The following CCDC102B variants were observed in gnomAD, a reference collection of about 807,000 sequenced individuals.
The protein encoded by CCDC102B is coiled-coil domain-containing protein 102B.
A neutral mutation model predicts 57.4 loss-of-function variants in CCDC102B; 75 were observed. That is an observed-to-expected ratio of 1.31 (90% CI 1.08 to 1.58). The LOEUF is 1.58. Ranked by LOEUF, CCDC102B falls within the 40% of genes most tolerant of loss-of-function variation. The pLI is 0.00. For synonymous variants in CCDC102B, 206 were observed against 201.9 expected (o/e 1.02, Z -0.17); for missense variants, 636 against 582.6 (o/e 1.09, Z -0.94).
At chr18:68,879,678 T>C (rs986506602) in intron 5 of CCDC102B, among the ~76,000 whole-genome samples, 3 of 152,026 alleles carry the variant, frequency 2.0e-5, no homozygotes, top group African/African-American at 7.3e-5. Context: ...AACCTTGAGC[T>C]AGATACAGAG....
intron 4 of CCDC102B, among the ~76,000 whole-genome samples, chr18:68,872,518 T>G (rs1459194462): frequency 6.6e-6 from 1 of 152,152 alleles, no homozygotes; most frequent in Non-Finnish European, 1.5e-5. Context: ...ATTCTTATTT[T>G]TTTCTTGAAG....
At chr18:68,903,966 G>A (rs910011582) in intron 6 of CCDC102B, among the ~76,000 whole-genome samples, 4 of 152,116 alleles carry the variant, frequency 2.6e-5, no homozygotes, top group African/African-American at 9.7e-5. Context: ...AGTAACTTTG[G>A]CTTCAAAAAT....
At chr18:69,022,949 T>C (rs1228997531) in intron 7 of CCDC102B, among the ~76,000 whole-genome samples, 1 of 149,250 alleles carries the variant, frequency 6.7e-6, no homozygotes, top group Non-Finnish European at 1.5e-5. Context: ...ACATCGACAA[T>C]TGCAATGCCA....
intron 6 of CCDC102B, among the ~76,000 whole-genome samples, chr18:68,996,722 G>A (rs2051038229): frequency 6.6e-6 from 1 of 152,104 alleles, no homozygotes. Flanking sequence ...CAGGCTCATA[G>A]GCAGAAATGA....
At chr18:69,027,666 C>CT (rs66690936) in intron 7 of CCDC102B, among the ~76,000 whole-genome samples, 7 of 149,600 alleles carry the variant, frequency 4.7e-5, no homozygotes, top group African/African-American at 1.5e-4. Flanking sequence ...GAAGGTGATC[C>CT]TTTTTTTTTT....
In CCDC102B at chr18:69,003,486, G is replaced by A. The variant is rs150558925; in HGVS notation, c.1264-7448G>A. 3.5e-3 allele frequency among the ~76,000 whole-genome samples: 527 copies of A among 152,220 alleles called. 3 individuals carry two copies. Among genetic ancestry groups the A allele is most frequent in the Middle Eastern group, 0.01 (3 of 294 alleles). On this transcript the variant is annotated intron_variant, in intron 6 of 7. Coordinates refer to ENST00000360242, the MANE Select transcript of CCDC102B (RefSeq NM_024781.3). ...GGAGATATTTTGTGATTATAAAATAGCAAGCAAAGGACAGAGGGCACATAT... is the reference window on the plus strand; with the variant it reads ...GGAGATATTTTGTGATTATAAAATAACAAGCAAAGGACAGAGGGCACATAT...
At chr18:68,966,756 T>C (rs1196355028) in intron 6 of CCDC102B, among the ~76,000 whole-genome samples, 3 of 152,080 alleles carry the variant, frequency 2.0e-5, no homozygotes, top group Non-Finnish European at 4.4e-5. Flanking sequence ...GAAACTGGGT[T>C]TTTGGAGTAG....
chr18:68,881,297 G>C (rs570982463), intron 5 of CCDC102B, among the ~76,000 whole-genome samples: 1 of 152,158 alleles, frequency 6.6e-6, no homozygotes, highest in Non-Finnish European at 1.5e-5. Context: ...TTCAGATTGA[G>C]TATCACTAGA....
At chr18:68,873,013 G>A (rs538317405) in intron 4 of CCDC102B, among the ~76,000 whole-genome samples, 184 of 152,184 alleles carry the variant, frequency 1.2e-3, no homozygotes, top group Non-Finnish European at 2.2e-3. Flanking sequence ...TAATGACAAG[G>A]TTTCAGAGGT....
At chr18:68,951,943 ATTAT>A (rs1206503061) in intron 6 of CCDC102B, among the ~76,000 whole-genome samples, 7 of 152,178 alleles carry the variant, frequency 4.6e-5, no homozygotes, top group African/African-American at 1.4e-4. Context: ...ACTGATTCTC[ATTAT>A]TTATTTCCTT....
At chr18:68,717,620 G>T (rs980749417) in intron 2 of CCDC102B, among the ~76,000 whole-genome samples, 5 of 152,086 alleles carry the variant, frequency 3.3e-5, no homozygotes, top group African/African-American at 1.2e-4. Flanking sequence ...TTTGTTCAGA[G>T]AACATGCTAA....
intron 6 of CCDC102B, among the ~76,000 whole-genome samples, chr18:68,984,416 C>T (rs2050671588): frequency 6.6e-6 from 1 of 152,100 alleles, no homozygotes. Context: ...GAGTTTCCTA[C>T]CAGAATATGT....
chr18:68,838,302 T>C (rs1042912511), intron 2 of CCDC102B: 19 of 634,642 alleles, frequency 3.0e-5, no homozygotes, highest in African/African-American at 3.0e-4. Context: ...GAAAATTCTA[T>C]CTTGTCTTTC....
chr18:68,864,539 ATATT>A, intron 4 of CCDC102B, among the ~76,000 whole-genome samples: 1 of 151,978 alleles, frequency 6.6e-6, no homozygotes, highest in South Asian at 2.1e-4. Context: ...TTCCTGCATC[ATATT>A]ATTTATTGTT....
chr18:68,887,919 T>C (rs1186739143), intron 5 of CCDC102B, among the ~76,000 whole-genome samples: 1 of 152,242 alleles, frequency 6.6e-6, no homozygotes, highest in Non-Finnish European at 1.5e-5. Flanking sequence ...CATACATTCA[T>C]ATTTATGTTT....
chr18:68,808,568 C>G (rs1329906034), intron 1 of CCDC102B, among the ~76,000 whole-genome samples: 1 of 149,726 alleles, frequency 6.7e-6, no homozygotes, highest in Non-Finnish European at 1.5e-5. Flanking sequence ...AGCTCTGCCT[C>G]CTGGGTTCAC....
intron 2 of CCDC102B, among the ~76,000 whole-genome samples, chr18:68,723,364 C>T (rs1376805035): frequency 6.6e-6 from 1 of 152,110 alleles, no homozygotes; most frequent in Non-Finnish European, 1.5e-5. Flanking sequence ...CACAATCATG[C>T]CTTTCCCACA....
At chr18:69,020,036 TC>T (rs869047482) in intron 7 of CCDC102B, among the ~76,000 whole-genome samples, 48 of 150,008 alleles carry the variant, frequency 3.2e-4, no homozygotes, top group African/African-American at 1.1e-3. Context: ...TGAAATTTTT[TC>T]CCCTGGTGCA....
At chr18:68,934,847 CTG>C (rs2041790930) in intron 6 of CCDC102B, among the ~76,000 whole-genome samples, 2 of 151,842 alleles carry the variant, frequency 1.3e-5, no homozygotes, top group South Asian at 4.2e-4. Context: ...CTGCTTTACA[CTG>C]TTCTTAAGAT....
Sources: allele counts gnomAD v4.1 joint callset (sites outside exome capture counted in the v4.1 genomes callset), GRCh38; gene constraint gnomAD v4.1.1; transcripts MANE v1.5; gene names NCBI Gene and HGNC (gene_info 2026-07-23, HGNC 2026-07-21).